The following RPS6KA5 variants were observed in gnomAD, a reference collection of about 807,000 sequenced individuals.
RPS6KA5 encodes the protein ribosomal protein S6 kinase alpha-5.
RPS6KA5 carries 27 observed loss-of-function variants against 85.5 expected under a neutral mutation model. That is an observed-to-expected ratio of 0.32 (90% CI 0.23 to 0.44). The LOEUF (loss-of-function observed/expected upper bound fraction) is 0.44, where lower values mean the gene tolerates loss of function less well. RPS6KA5 is among the 20% of genes least tolerant of loss of function. RPS6KA5 has a pLI of 1.00. For missense variants in RPS6KA5, 811 were observed against 980.9 expected (o/e 0.83, Z 2.31); for synonymous variants, 334 against 348.2 (o/e 0.96, Z 0.46).
intron 1 of RPS6KA5, among the ~76,000 whole-genome samples, chr14:91,031,343 T>C (rs1056918222): frequency 2.0e-5 from 3 of 152,188 alleles, no homozygotes; most frequent in African/African-American, 7.2e-5. Flanking sequence ...AAATCTCCTA[T>C]GCAAGCTTTC....
At chr14:91,021,928 T>C (rs962495954) in intron 1 of RPS6KA5, among the ~76,000 whole-genome samples, 1 of 152,224 alleles carries the variant, frequency 6.6e-6, no homozygotes, top group Non-Finnish European at 1.5e-5. Flanking sequence ...AACCAAGATC[T>C]GGGCATCAGG....
Position 90,875,512 on chromosome 14 carries a change from G to A in RPS6KA5, c.1837-152C>T, listed in dbSNP as rs554111951. The A allele has an allele frequency of 9.2e-5, 63 of 686,804 alleles. No homozygotes were observed. The South Asian group carries it at 1.3e-3, about 14-fold the overall frequency. The allele number at this position is 686,804 out of a possible 1,614,324, so 42.5% of individuals were successfully genotyped here. On this transcript the variant is annotated intron_variant, in intron 14 of 16. Transcript: ENST00000614987. ...GATTACGTGATTCCTCAGGGATCTAGAACTAGAAATACCATTTGACCCAGC... is the reference window on the plus strand; with the variant it reads ...GATTACGTGATTCCTCAGGGATCTAAAACTAGAAATACCATTTGACCCAGC...
At chr14:90,969,862 C>A (rs148958029) in intron 3 of RPS6KA5, among the ~76,000 whole-genome samples, 3 of 149,890 alleles carry the variant, frequency 2.0e-5, no homozygotes, top group Non-Finnish European at 4.5e-5. Flanking sequence ...CTCTTTTTTT[C>A]TCTCTCTCTC....
At chr14:90,935,906 T>TTATAA (rs1291220370) in intron 5 of RPS6KA5, among the ~76,000 whole-genome samples, 5 of 152,240 alleles carry the variant, frequency 3.3e-5, no homozygotes, top group African/African-American at 1.2e-4. Context: ...CATTATTTGC[T>TTATAA]TATAAATATG....
chr14:90,962,309 GTT>G (rs5810523), intron 3 of RPS6KA5, among the ~76,000 whole-genome samples: 4,941 of 149,088 alleles, frequency 0.033, 273 homozygotes, highest in African/African-American at 0.12. Context: ...TCTTGGCACA[GTT>G]TTTTTTTTTT....
At chr14:90,942,105 G>A (rs942298188) in intron 5 of RPS6KA5, among the ~76,000 whole-genome samples, 1 of 151,946 alleles carries the variant, frequency 6.6e-6, no homozygotes, top group South Asian at 2.1e-4. Context: ...CATAGTAGAG[G>A]GGATAAATAA....
In RPS6KA5 at chr14:90,848,606, T is replaced by C. The variant is rs2031831937; in HGVS notation, c.*23468A>G. ...GATACAAAATAAAATTGATCCTTGA[T>C]GTGAGAATAACTGTATTCCTTGCAT... On this transcript the variant is annotated 3_prime_UTR_variant, in exon 17 of 17. Coordinates refer to ENST00000614987, the MANE Select transcript of RPS6KA5 (RefSeq NM_004755.4). 1.3e-5 allele frequency: 2 copies of C among 152,180 alleles called. No individual in the cohort carries two copies. The highest frequency in any genetic ancestry group is 2.9e-5 in the Non-Finnish European group (2 of 68,030). 9.4% of individuals were successfully genotyped at this position (152,180 alleles called of 1,614,324 possible). A position where few individuals can be genotyped will look rare whatever the true frequency, so the allele number is the denominator to read the frequency against.
chr14:90,874,279 A>T lies in RPS6KA5; in HGVS notation c.1997-484T>A, dbSNP rs377158148. Among the ~76,000 whole-genome samples, 18 of 152,348 alleles carry T rather than the reference A, an allele frequency of 1.2e-4. No homozygotes were observed. In the East Asian group the frequency reaches 2.5e-3, roughly 21 times the overall value. On this transcript the variant is annotated intron_variant, in intron 15 of 16. Transcript: ENST00000614987. ...CATCAGGGATAAGTGCGATAGCAAG[A>T]TACACAGGCACAGTGTGTTAGCAGG...
intron 1 of RPS6KA5, among the ~76,000 whole-genome samples, chr14:91,050,802 T>C (rs2043048529): frequency 6.6e-6 from 1 of 152,208 alleles, no homozygotes; most frequent in African/African-American, 2.4e-5. Context: ...TTGGAACTAA[T>C]AGTTATGTTT....
intron 1 of RPS6KA5, among the ~76,000 whole-genome samples, chr14:91,034,824 C>T (rs2042334777): frequency 6.6e-6 from 1 of 152,076 alleles, no homozygotes; most frequent in South Asian, 2.1e-4. Flanking sequence ...AAGAACCCAC[C>T]AGCAGGAATA....
chr14:90,880,376 T>C (rs1289077578), intron 14 of RPS6KA5, among the ~76,000 whole-genome samples: 1 of 152,226 alleles, frequency 6.6e-6, no homozygotes, highest in Non-Finnish European at 1.5e-5. Context: ...CATACACTAT[T>C]TGTCTTTTTG....
Position 90,870,210 on chromosome 14 carries a change from ATATAAT to A in RPS6KA5, c.*1858_*1863del, listed in dbSNP as rs2033010658. 6.6e-6 allele frequency: 1 copy of A among 152,220 alleles called. No individual in the cohort carries two copies. The highest frequency in any genetic ancestry group is 2.1e-4 in the South Asian group (1 of 4,836). The allele number at this position is 152,220 out of a possible 1,614,324, so 9.4% of individuals were successfully genotyped here. ...GCCAAATATGTTCCCAATATGTCCA[ATATAAT>A]TATAAATATGGTCATTTTCTTGATT... On this transcript the variant is annotated 3_prime_UTR_variant, in exon 17 of 17. Transcript: ENST00000614987.
intron 2 of RPS6KA5, among the ~76,000 whole-genome samples, chr14:90,988,816 A>AAAT (rs1566832143): frequency 2.6e-5 from 4 of 151,914 alleles, no homozygotes; most frequent in African/African-American, 7.3e-5. Flanking sequence ...CCATCTCAAA[A>AAAT]AAATAAATAA....
chr14:90,954,782 T>G (rs1237269861), intron 3 of RPS6KA5, among the ~76,000 whole-genome samples: 1 of 152,188 alleles, frequency 6.6e-6, no homozygotes, highest in Non-Finnish European at 1.5e-5. Flanking sequence ...TATTCAGAAG[T>G]TGTATTTCTT....
intron 1 of RPS6KA5, among the ~76,000 whole-genome samples, chr14:91,047,489 T>G (rs2042923114): frequency 1.3e-5 from 2 of 152,216 alleles, no homozygotes; most frequent in South Asian, 4.1e-4. Flanking sequence ...ACCATTCTAC[T>G]TCTACAAAGA....
chr14:91,020,554 G>GAC (rs2041709794), intron 1 of RPS6KA5, among the ~76,000 whole-genome samples: 2 of 48,596 alleles, frequency 4.1e-5, no homozygotes, highest in Non-Finnish European at 1.0e-4. Flanking sequence ...GTGTGTGTGT[G>GAC]TGTGTGTGTG....
intron 3 of RPS6KA5, among the ~76,000 whole-genome samples, chr14:90,960,763 GTC>G (rs568439142): frequency 1.2e-4 from 19 of 152,122 alleles, no homozygotes; most frequent in Non-Finnish European, 2.4e-4. Flanking sequence ...TCCTTCTCAA[GTC>G]TCTGTCATTT....
At chr14:91,002,078 T>TA (rs1329408198) in intron 1 of RPS6KA5, among the ~76,000 whole-genome samples, 3 of 152,128 alleles carry the variant, frequency 2.0e-5, no homozygotes, top group Non-Finnish European at 4.4e-5. Context: ...TAGTACTCTG[T>TA]AGAAGTGGTT....
intron 3 of RPS6KA5, among the ~76,000 whole-genome samples, chr14:90,962,522 G>T (rs1019483421): frequency 1.3e-5 from 2 of 151,896 alleles, no homozygotes; most frequent in Non-Finnish European, 2.9e-5. Flanking sequence ...CCTGACTTCA[G>T]GTGATCTGCC....
Sources: allele counts gnomAD v4.1 joint callset (sites outside exome capture counted in the v4.1 genomes callset), GRCh38; gene constraint gnomAD v4.1.1; transcripts MANE v1.5; gene names NCBI Gene and HGNC (gene_info 2026-07-23, HGNC 2026-07-21).